The following FRMD6 variants were observed in gnomAD, a reference collection of about 807,000 sequenced individuals.
FRMD6 encodes the protein FERM domain-containing protein 6.
FRMD6 carries 37 observed loss-of-function variants against 73.2 expected under a neutral mutation model. That is an observed-to-expected ratio of 0.51 (90% confidence interval 0.39 to 0.66). FRMD6 has a LOEUF of 0.66. Among genes scored for constraint, FRMD6 ranks in the 30% least tolerant of loss-of-function variants. FRMD6 has a pLI of 0.00. For synonymous variants in FRMD6, 273 were observed against 282.2 expected (o/e 0.97, Z 0.33); for missense variants, 714 against 780.5 (o/e 0.91, Z 1.02).
At chr14:51,413,358 G>A in the FRMD6 span, among the ~76,000 whole-genome samples, 3 of 152,136 alleles carry the variant, frequency 2.0e-5, no homozygotes, top group Non-Finnish European at 4.4e-5. Context: ...CCCACCCTGT[G>A]TCCAAGTGTT....
intron 1 of FRMD6, chr14:51,547,865 G>A (rs1886563776): frequency 6.7e-6 from 1 of 148,454 alleles, no homozygotes; most frequent in Non-Finnish European, 1.5e-5. Context: ...GAGATTGGAT[G>A]TTGGCACCCT....
upstream of FRMD6, among the ~76,000 whole-genome samples, chr14:51,648,541 G>C (rs1201969066): frequency 6.6e-6 from 1 of 152,200 alleles, no homozygotes; most frequent in Non-Finnish European, 1.5e-5. Flanking sequence ...TTGCAAGTTT[G>C]AGAGCACTGT....
At chr14:51,567,189 G>GA (rs1199059719) in intron 1 of FRMD6, among the ~76,000 whole-genome samples, 1 of 152,100 alleles carries the variant, frequency 6.6e-6, no homozygotes, top group Non-Finnish European at 1.5e-5. Context: ...TTTTTTAAAA[G>GA]AAAAAATGTA....
At chr14:51,537,132 A>G (rs1885943894) in intron 1 of FRMD6, among the ~76,000 whole-genome samples, 2 of 152,244 alleles carry the variant, frequency 1.3e-5, no homozygotes, top group Non-Finnish European at 2.9e-5. Flanking sequence ...TTGTAGTATC[A>G]TACAGAATAG....
At chr14:51,551,937 T>C (rs2139442860) in intron 1 of FRMD6, among the ~76,000 whole-genome samples, 1 of 152,286 alleles carries the variant, frequency 6.6e-6, no homozygotes, top group East Asian at 1.9e-4. Context: ...AGTCTTAATG[T>C]TCTTAGAGTT....
the FRMD6 span, among the ~76,000 whole-genome samples, chr14:51,432,695 T>C: frequency 6.6e-6 from 1 of 152,174 alleles, no homozygotes; most frequent in Non-Finnish European, 1.5e-5. Context: ...ACTCAGACCA[T>C]TGAGCTTGGT....
chr14:51,670,680 CTG>C (rs1893941591), intron 1 of FRMD6, among the ~76,000 whole-genome samples: 1 of 150,538 alleles, frequency 6.6e-6, no homozygotes, highest in Admixed American at 6.6e-5. Flanking sequence ...GAGTCTCACT[CTG>C]TCACCTAGGC....
the FRMD6 span, chr14:51,436,152 G>A: frequency 3.8e-6 from 1 of 262,564 alleles, no homozygotes; most frequent in Non-Finnish European, 7.4e-6. Flanking sequence ...GAAGGGAGAA[G>A]AAGAGCAAGA....
chr14:51,690,672 G>A lies in FRMD6; in HGVS notation c.99+737G>A, dbSNP rs532583049. On this transcript the variant is annotated intron_variant, in intron 2 of 13. Transcript: ENST00000344768. ...GCTGGGATTACAGGCGTGAGCCACC[G>A]CGCCCAGCCTTAGATAGCTTTTTAA... 6.6e-5 allele frequency among the ~76,000 whole-genome samples: 10 copies of A among 152,216 alleles called. No individual in the cohort carries two copies. The East Asian group carries it at 1.4e-3, about 21-fold the overall frequency.
chr14:51,444,088 C>T, the FRMD6 span, among the ~76,000 whole-genome samples: 1 of 152,182 alleles, frequency 6.6e-6, no homozygotes. Context: ...GACACCAAGC[C>T]TGGCTAATTT....
At chr14:51,720,005 C>T (rs767857021) in intron 10 of FRMD6, 50 bp from the exon 11 acceptor site, 4 of 1,449,104 alleles carry the variant, frequency 2.8e-6, no homozygotes, top group Non-Finnish European at 3.8e-6. Flanking sequence ...CTTAAGCTCA[C>T]CAGCCGTTCC....
chr14:51,677,661 C>T (rs1894489371), intron 1 of FRMD6, among the ~76,000 whole-genome samples: 1 of 151,984 alleles, frequency 6.6e-6, no homozygotes, highest in African/African-American at 2.4e-5. Context: ...TTGTTGGTTG[C>T]CTATCTAACA....
chr14:51,660,470 A>G (rs1305568529), intron 1 of FRMD6, among the ~76,000 whole-genome samples: 3 of 152,180 alleles, frequency 2.0e-5, no homozygotes, highest in African/African-American at 7.2e-5. Flanking sequence ...AATGTGCAAG[A>G]TCTGGTAAAA....
intron 2 of FRMD6, among the ~76,000 whole-genome samples, chr14:51,591,328 G>A (rs754959156): frequency 3.3e-5 from 5 of 152,122 alleles, no homozygotes; most frequent in South Asian, 4.1e-4. Context: ...AACTATCAGA[G>A]ATAGTTCACC....
At chr14:51,605,501 G>A (rs1047485503) in intron 2 of FRMD6, among the ~76,000 whole-genome samples, 6 of 152,110 alleles carry the variant, frequency 3.9e-5, no homozygotes, top group African/African-American at 1.4e-4. Flanking sequence ...GTCTCCACAC[G>A]TGAAGTATTT....
At chr14:51,652,394 G>A (rs1892482522) in intron 1 of FRMD6, among the ~76,000 whole-genome samples, 1 of 152,184 alleles carries the variant, frequency 6.6e-6, no homozygotes, top group South Asian at 2.1e-4. Context: ...GCGGTCCCTG[G>A]TTCTCTGCAT....
At chr14:51,547,498 T>C (rs902959218) in intron 1 of FRMD6, among the ~76,000 whole-genome samples, 1 of 152,218 alleles carries the variant, frequency 6.6e-6, no homozygotes, top group Non-Finnish European at 1.5e-5. Context: ...GATTCTGTAA[T>C]AGTCTTGGAA....
At chr14:51,598,110 T>A (rs979464388) in intron 2 of FRMD6, among the ~76,000 whole-genome samples, 5 of 152,212 alleles carry the variant, frequency 3.3e-5, no homozygotes, top group Admixed American at 6.5e-5. Flanking sequence ...TGTGTTTTCA[T>A]TGACAATGAA....
chr14:51,434,763 G>A, the FRMD6 span, among the ~76,000 whole-genome samples: 1 of 152,132 alleles, frequency 6.6e-6, no homozygotes, highest in Non-Finnish European at 1.5e-5. Context: ...GGAAAAAAAT[G>A]TCTTTTTGGT....
Sources: allele counts gnomAD v4.1 joint callset (sites outside exome capture counted in the v4.1 genomes callset), GRCh38; gene constraint gnomAD v4.1.1; transcripts MANE v1.5; gene names NCBI Gene and HGNC (gene_info 2026-07-23, HGNC 2026-07-21).